The following MPHOSPH9 variants were observed in gnomAD, a reference collection of about 807,000 sequenced individuals.
MPHOSPH9 encodes the protein M-phase phosphoprotein 9.
A neutral mutation model predicts 145.5 loss-of-function variants in MPHOSPH9; 88 were observed. The ratio of observed to expected loss-of-function variants is 0.60; its 90% CI spans 0.51 to 0.72. The LOEUF (loss-of-function observed/expected upper bound fraction) is 0.72, where lower values mean the gene tolerates loss of function less well. MPHOSPH9 is among the 30% of genes least tolerant of loss of function. MPHOSPH9 has a pLI of 0.00. For missense variants in MPHOSPH9, 1,238 were observed against 1,386.6 expected, an observed-to-expected ratio of 0.89 and a Z score of 1.70; for synonymous variants, 435 against 486.2, an observed-to-expected ratio of 0.89 and a Z score of 1.39.
chr12:123,235,978 C>T (rs1168412708), upstream of MPHOSPH9, among the ~76,000 whole-genome samples: 1 of 151,764 alleles, frequency 6.6e-6, no homozygotes, highest in East Asian at 2.0e-4. Flanking sequence ...GCAGGAGAAT[C>T]GCTGGAACCC....
chr12:123,189,731 G>A (rs932336390), intron 13 of MPHOSPH9, among the ~76,000 whole-genome samples: 1 of 151,982 alleles, frequency 6.6e-6, no homozygotes, highest in Non-Finnish European at 1.5e-5. Context: ...TCAGGAGATC[G>A]AGACCATCCT....
intron 8 of MPHOSPH9, among the ~76,000 whole-genome samples, chr12:123,205,844 T>A (rs1264029807): frequency 1.3e-5 from 2 of 152,226 alleles, no homozygotes; most frequent in African/African-American, 4.8e-5. Flanking sequence ...GGCCAAGTTG[T>A]GGTTGTGACA....
At chr12:123,208,840 C>T (rs1336238108) in intron 8 of MPHOSPH9, among the ~76,000 whole-genome samples, 2 of 152,038 alleles carry the variant, frequency 1.3e-5, no homozygotes, top group African/African-American at 4.8e-5. Context: ...TCACCTCAGC[C>T]TCCCAAAGTA....
At chr12:123,240,438 T>C (rs1244424665) in intron 1 of MPHOSPH9, 1 of 152,156 alleles carries the variant, frequency 6.6e-6, no homozygotes. Flanking sequence ...AGGTGATTTG[T>C]ATGCACATTA....
chr12:123,236,444 C>T (rs1373135969), upstream of MPHOSPH9, among the ~76,000 whole-genome samples: 2 of 151,786 alleles, frequency 1.3e-5, no homozygotes, highest in African/African-American at 2.4e-5. Context: ...AAATTAAAAA[C>T]TAGCCAGGTA....
chr12:123,222,308 G>C (rs2047236132), intron 4 of MPHOSPH9, among the ~76,000 whole-genome samples: 2 of 145,648 alleles, frequency 1.4e-5, no homozygotes. Context: ...CTGGGTGACA[G>C]AGTGAGACCT....
rs536080744 is a variant in MPHOSPH9 at position 123,161,395 on chromosome 12, G to A, written c.3134-12C>T. On this transcript the variant is annotated splice_polypyrimidine_tract_variant and intron_variant, in intron 21 of 23. Coordinates refer to ENST00000606320, the MANE Select transcript of MPHOSPH9 (RefSeq NM_022782.4). ...AGAATAAGTTTTTTCTGTCAGAGAGGAGAGAAATTGCTTATATTTCTTATC... is the reference window on the plus strand; with the variant it reads ...AGAATAAGTTTTTTCTGTCAGAGAGAAGAGAAATTGCTTATATTTCTTATC... 8.1e-6 allele frequency: 13 copies of A among 1,613,016 alleles called. No individual in the cohort carries two copies. In the African/African-American group the frequency reaches 1.3e-4, roughly 17 times the overall value.
At chr12:123,192,576 C>T (rs1325983569) in intron 13 of MPHOSPH9, among the ~76,000 whole-genome samples, 2 of 120,802 alleles carry the variant, frequency 1.7e-5, no homozygotes, top group African/African-American at 6.4e-5. Flanking sequence ...CTTCAGTAAG[C>T]TGTGATCGCA....
rs1457096954 is a variant in MPHOSPH9, at chr12:123,212,678, TC to T, written c.1087+2065del. ...GTAAGCCGAGATCACACCATCGCACTCCAGCCTGGGCAACAAGAGCAAAACT... is the reference window on the plus strand; with the variant it reads ...GTAAGCCGAGATCACACCATCGCACTCAGCCTGGGCAACAAGAGCAAAACT... On this transcript the variant is annotated intron_variant, in intron 7 of 23. Transcript: ENST00000606320. Among the ~76,000 whole-genome samples the T allele has an allele frequency of 1.3e-4, 14 of 106,168 alleles. No homozygotes were observed. The Admixed American group carries it at 1.5e-3, about 11-fold the overall frequency. The allele number at this position is 106,168 out of a possible 152,430, so 69.7% of individuals were successfully genotyped here. A position where few individuals can be genotyped will look rare whatever the true frequency, so the allele number is the denominator to read the frequency against.
At chr12:123,187,118 G>A (rs76152284) in intron 13 of MPHOSPH9, among the ~76,000 whole-genome samples, 3 of 151,926 alleles carry the variant, frequency 2.0e-5, no homozygotes, top group East Asian at 1.9e-4. Flanking sequence ...AAAACTAGCC[G>A]GGTGTTGTGG....
At chr12:123,179,859 A>G (rs1244135541) in intron 15 of MPHOSPH9, 67 bp downstream of exon 15, 7 of 827,972 alleles carry the variant, frequency 8.5e-6, no homozygotes, top group South Asian at 2.0e-5. Context: ...CCTTCTCATC[A>G]TGTTCAATAC....
intron 11 of MPHOSPH9, among the ~76,000 whole-genome samples, chr12:123,199,150 C>T (rs940169160): frequency 6.6e-6 from 1 of 152,028 alleles, no homozygotes; most frequent in Non-Finnish European, 1.5e-5. Flanking sequence ...CCACCACACA[C>T]AGCTAATTTG....
chr12:123,234,024 A>C (rs899304902), upstream of MPHOSPH9: 2 of 152,110 alleles, frequency 1.3e-5, no homozygotes, highest in Non-Finnish European at 2.9e-5. Flanking sequence ...CTGATCTCGA[A>C]CTCCTGGCCT....
At chr12:123,182,682 T>C (rs1156975208) in intron 13 of MPHOSPH9, among the ~76,000 whole-genome samples, 34 of 144,012 alleles carry the variant, frequency 2.4e-4, no homozygotes, top group Middle Eastern at 4.1e-3. Context: ...GAGGCCAAGG[T>C]GGGTGGATCA....
At chr12:123,175,665 A>G (rs1024490291) in intron 16 of MPHOSPH9, among the ~76,000 whole-genome samples, 1 of 12,966 alleles carries the variant, frequency 7.7e-5, no homozygotes, top group African/African-American at 3.0e-4. Context: ...CCACCCTCCC[A>G]TCCCTCACCC....
At chr12:123,243,214 C>T (rs990767385) in intron 1 of MPHOSPH9, among the ~76,000 whole-genome samples, 2 of 151,852 alleles carry the variant, frequency 1.3e-5, no homozygotes, top group Admixed American at 6.6e-5. Flanking sequence ...GAGCATCTTG[C>T]CAATACCATC....
At chr12:123,235,624 G>A (rs1445115217), upstream of MPHOSPH9, among the ~76,000 whole-genome samples, 2 of 150,482 alleles carry the variant, frequency 1.3e-5, no homozygotes, top group Non-Finnish European at 3.0e-5. Flanking sequence ...CACCTGCCTC[G>A]GCCTCCCACG....
At chr12:123,193,111 ACACACACAC>A in intron 13 of MPHOSPH9, among the ~76,000 whole-genome samples, 1 of 38,036 alleles carries the variant, frequency 2.6e-5, no homozygotes, top group African/African-American at 4.7e-5. Context: ...ATATATATAC[ACACACACAC>A]ACACACACAC....
rs143293696 is a variant in MPHOSPH9, at chr12:123,218,498, T to C, written c.874A>G (p.Asn292Asp). Residue 292 changes from asparagine (N) to aspartate (D), a missense_variant and splice_region_variant, in exon 6 of 24, where the codon AAT (asparagine) becomes GAT (aspartate). Transcript: ENST00000606320. ...TTTTGTGCCCATGATGTTATAGCAT[T>C]ACTATTTAAGAAGAGAAAACCAAAA... ...SEVYSGKTNSNAITSWAQKLK... is the reference protein window; with the variant it reads ...SEVYSGKTNSDAITSWAQKLK... 1.9e-5 allele frequency: 30 copies of C among 1,612,378 alleles called. No homozygotes were observed. Among genetic ancestry groups the C allele is most frequent in the Non-Finnish European group, 2.5e-5 (30 of 1,179,346 alleles).
Sources: gnomAD v4.1 joint callset for allele counts (sites outside exome capture counted in the v4.1 genomes callset) on GRCh38, gnomAD v4.1.1 for gene constraint, MANE v1.5 for transcripts, NCBI Gene and HGNC (gene_info 2026-07-23, HGNC 2026-07-21) for gene names.